The following PTPRD variants were observed in gnomAD, a reference collection of about 807,000 sequenced individuals.
PTPRD encodes protein tyrosine phosphatase receptor type D.
In PTPRD, 34 loss-of-function variants were observed where a neutral mutation model predicts 214.5. The observed-to-expected ratio is 0.16, with a 90% CI of 0.12 to 0.21. The LOEUF is 0.21. PTPRD is among the 10% of genes least tolerant of loss of function. The pLI, the probability that PTPRD is intolerant of heterozygous loss-of-function variation, is 1.00. For synonymous variants in PTPRD, 1,128 were observed against 845.7 expected (o/e 1.33, Z -5.79); for missense variants, 2,545 against 2,398.7 (o/e 1.06, Z -1.27).
chr9:8,823,834 A>C (rs959446832), intron 11 of PTPRD, among the ~76,000 whole-genome samples: 3 of 152,228 alleles, frequency 2.0e-5, no homozygotes, highest in Non-Finnish European at 4.4e-5. Flanking sequence ...AAGCAAGTTC[A>C]TTAAAAAAGT....
rs146173242 is a variant in PTPRD at position 8,655,062 on chromosome 9, TAAC to T, written c.65-18221_65-18219del. ...CTTGTAAATGTAATTGGAATTAGAT[TAAC>T]AACAAGCAATCAACGATTCAAAAAA... is the stretch of plus-strand genomic sequence containing the variant. On this transcript the variant is annotated intron_variant, in intron 12 of 45. Transcript: ENST00000381196. 4.2e-3 allele frequency among the ~76,000 whole-genome samples: 634 copies of T among 152,236 alleles called. 4 individuals are homozygous for T. Among genetic ancestry groups the T allele is most frequent in the African/African-American group, 0.015 (617 of 41,546 alleles).
At chr9:9,374,204 A>C (rs1365360954) in intron 9 of PTPRD, among the ~76,000 whole-genome samples, 2 of 152,094 alleles carry the variant, frequency 1.3e-5, no homozygotes, top group African/African-American at 4.8e-5. Context: ...AAAATGATAG[A>C]CTGCAAAATT....
chr9:9,012,338 T>C (rs1279564587), intron 11 of PTPRD, among the ~76,000 whole-genome samples: 2 of 152,294 alleles, frequency 1.3e-5, no homozygotes, highest in South Asian at 2.1e-4. Flanking sequence ...ATAATAAATA[T>C]ATTTTGTGTT....
chr9:9,410,888 A>G (rs969605875), intron 8 of PTPRD, among the ~76,000 whole-genome samples: 2 of 152,158 alleles, frequency 1.3e-5, no homozygotes, highest in Non-Finnish European at 1.5e-5. Context: ...TTGTGCTACA[A>G]ACAGAAGCTG....
chr9:9,804,264 A>C (rs1224393587), intron 5 of PTPRD, among the ~76,000 whole-genome samples: 1 of 152,074 alleles, frequency 6.6e-6, no homozygotes, highest in East Asian at 1.9e-4. Flanking sequence ...ATAATCATGC[A>C]ATATTTCATA....
chr9:10,074,171 T>C (rs1424943341), intron 3 of PTPRD, among the ~76,000 whole-genome samples: 3 of 152,124 alleles, frequency 2.0e-5, no homozygotes, highest in African/African-American at 7.2e-5. Context: ...GATAGAATCA[T>C]GGCATCATAC....
intron 14 of PTPRD, among the ~76,000 whole-genome samples, chr9:8,559,001 C>T (rs1023857484): frequency 2.0e-5 from 3 of 149,468 alleles, no homozygotes; most frequent in Non-Finnish European, 4.4e-5. Context: ...CGTTTAAAAT[C>T]TGAATGCCTG....
intron 10 of PTPRD, among the ~76,000 whole-genome samples, chr9:9,043,002 A>G (rs1265206514): frequency 6.6e-6 from 1 of 152,146 alleles, no homozygotes; most frequent in Non-Finnish European, 1.5e-5. Context: ...AGGCAATCTT[A>G]TCTGTTACCA....
intron 5 of PTPRD, among the ~76,000 whole-genome samples, chr9:9,794,013 T>G (rs2098984949): frequency 6.6e-6 from 1 of 152,042 alleles, no homozygotes; most frequent in East Asian, 1.9e-4. Context: ...CAACATGTAT[T>G]GATCTTTTGT....
At chr9:9,862,005 C>T (rs559261593) in intron 5 of PTPRD, among the ~76,000 whole-genome samples, 4 of 152,192 alleles carry the variant, frequency 2.6e-5, no homozygotes, top group African/African-American at 9.6e-5. Flanking sequence ...CCATCACTGT[C>T]TGCATATATG....
intron 4 of PTPRD, among the ~76,000 whole-genome samples, chr9:9,959,452 C>G (rs1299789573): frequency 6.6e-6 from 1 of 152,020 alleles, no homozygotes; most frequent in African/African-American, 2.4e-5. Flanking sequence ...TTTGTCAAAA[C>G]CCATGGAATT....
At chr9:8,828,503 A>G (rs1277282463) in intron 11 of PTPRD, among the ~76,000 whole-genome samples, 2 of 152,284 alleles carry the variant, frequency 1.3e-5, no homozygotes, top group Non-Finnish European at 1.5e-5. Context: ...CAGAACTGTG[A>G]GAAATAATGT....
At position 10,260,271 on chromosome 9, in the gene PTPRD, G is replaced by T. The variant is rs138037878; in HGVS notation, c.-545+80692C>A. Among the ~76,000 whole-genome samples, 35 of 152,208 alleles carry T rather than the reference G, an allele frequency of 2.3e-4. 2 individuals are homozygous for T. In the East Asian group the frequency reaches 6.2e-3, roughly 27 times the overall value. On this transcript the variant is annotated intron_variant, in intron 3 of 45. Transcript: ENST00000381196. ...GTACCAAATACACAGAACCCCTTGG[G>T]CAGTTTCAGAACCTTACCCGGCCCA...
intron 5 of PTPRD, among the ~76,000 whole-genome samples, chr9:9,785,461 T>C (rs1353177153): frequency 6.6e-6 from 1 of 152,108 alleles, no homozygotes; most frequent in Non-Finnish European, 1.5e-5. Flanking sequence ...ACATAGTTTC[T>C]GTAGTCTTTA....
At chr9:9,459,143 G>C (rs1177244523) in intron 8 of PTPRD, among the ~76,000 whole-genome samples, 1 of 151,992 alleles carries the variant, frequency 6.6e-6, no homozygotes, top group Non-Finnish European at 1.5e-5. Context: ...GGCCCCACAG[G>C]AGATAGTGTG....
At chr9:9,457,358 C>G (rs1158948103) in intron 8 of PTPRD, among the ~76,000 whole-genome samples, 1 of 151,942 alleles carries the variant, frequency 6.6e-6, no homozygotes, top group Admixed American at 6.6e-5. Flanking sequence ...TTATCAAAGT[C>G]CTCTCTTGGG....
intron 3 of PTPRD, among the ~76,000 whole-genome samples, chr9:10,136,036 G>C (rs2098940695): frequency 6.6e-6 from 1 of 151,078 alleles, no homozygotes; most frequent in African/African-American, 2.4e-5. Context: ...AAGAAATGGA[G>C]AAAGACCTAT....
intron 9 of PTPRD, among the ~76,000 whole-genome samples, chr9:9,256,386 C>A (rs1477455346): frequency 6.6e-6 from 1 of 151,930 alleles, no homozygotes; most frequent in African/African-American, 2.4e-5. Context: ...ATAATATCTG[C>A]ATTTTGGTCC....
At chr9:8,802,148 C>T (rs1369470170) in intron 11 of PTPRD, among the ~76,000 whole-genome samples, 1 of 152,046 alleles carries the variant, frequency 6.6e-6, no homozygotes. Context: ...TCCTTCCATC[C>T]CCCCATAGTC....
Sources: gnomAD v4.1 joint callset for allele counts (sites outside exome capture counted in the v4.1 genomes callset) on GRCh38, gnomAD v4.1.1 for gene constraint, MANE v1.5 for transcripts, NCBI Gene and HGNC (gene_info 2026-07-23, HGNC 2026-07-21) for gene names.